Variants in PTPRT observed in about 807,000 individuals in gnomAD.
PTPRT encodes the protein protein tyrosine phosphatase receptor type T, also known as receptor-type tyrosine-protein phosphatase T.
In PTPRT, 56 loss-of-function variants were observed where a neutral mutation model predicts 176.8. The ratio of observed to expected loss-of-function variants is 0.32; its 90% CI spans 0.26 to 0.40. PTPRT has a LOEUF of 0.40. Ranked by LOEUF, PTPRT falls within the 10% of genes least tolerant of loss-of-function variation. PTPRT has a pLI of 1.00. For synonymous variants in PTPRT, 783 were observed against 739.0 expected (o/e 1.06, Z -0.96); for missense variants, 1,540 against 1,908.2 (o/e 0.81, Z 3.60).
At chr20:42,178,223 A>G (rs1206255925) in intron 16 of PTPRT, among the ~76,000 whole-genome samples, 2 of 152,170 alleles carry the variant, frequency 1.3e-5, no homozygotes, top group Admixed American at 1.3e-4. Context: ...AGCGAGAGCC[A>G]CCGTGCCCAG....
chr20:42,460,136 C>T (rs2070993299), intron 8 of PTPRT, among the ~76,000 whole-genome samples: 1 of 152,132 alleles, frequency 6.6e-6, no homozygotes, highest in Non-Finnish European at 1.5e-5. Flanking sequence ...GTTGAGGAGA[C>T]AGCTGGATAA....
intron 1 of PTPRT, among the ~76,000 whole-genome samples, chr20:43,178,427 C>T (rs181800590): frequency 1.1e-3 from 162 of 152,256 alleles, no homozygotes; most frequent in African/African-American, 3.8e-3. Flanking sequence ...GAGCTGAAAG[C>T]CACTCCCCCA....
intron 9 of PTPRT, among the ~76,000 whole-genome samples, chr20:42,404,095 A>C (rs1262772901): frequency 1.3e-5 from 2 of 152,218 alleles, no homozygotes; most frequent in East Asian, 3.8e-4. Context: ...GATATGGTTG[A>C]GACTGGCTAG....
At chr20:42,812,114 C>T (rs2077706405) in intron 2 of PTPRT, among the ~76,000 whole-genome samples, 1 of 151,742 alleles carries the variant, frequency 6.6e-6, no homozygotes, top group African/African-American at 2.4e-5. Flanking sequence ...GTCTAGAATA[C>T]TGGGTAATTC....
At chr20:42,957,957 G>A (rs1048848096) in intron 1 of PTPRT, among the ~76,000 whole-genome samples, 2 of 151,370 alleles carry the variant, frequency 1.3e-5, no homozygotes, top group African/African-American at 4.9e-5. Flanking sequence ...GGTACTTTGG[G>A]CCCAATACTT....
intron 2 of PTPRT, among the ~76,000 whole-genome samples, chr20:42,881,724 CAAAAAAAAAA>C (rs112191705): frequency 4.4e-4 from 16 of 36,704 alleles, no homozygotes; most frequent in African/African-American, 5.4e-4. Flanking sequence ...CACTCTGTCT[CAAAAAAAAAA>C]AAAAAAAAAA....
intron 7 of PTPRT, among the ~76,000 whole-genome samples, chr20:42,485,175 C>T (rs958542612): frequency 5.9e-5 from 9 of 152,128 alleles, no homozygotes; most frequent in African/African-American, 1.7e-4. Context: ...TTTGAAATTA[C>T]GTGGTTTCAG....
chr20:43,118,503 G>A (rs374175926), intron 1 of PTPRT, among the ~76,000 whole-genome samples: 5 of 152,026 alleles, frequency 3.3e-5, no homozygotes, highest in East Asian at 1.9e-4. Flanking sequence ...ACAGTGGCTC[G>A]ATCTTGGCTC....
At chr20:42,193,955 A>G (rs1248763415) in intron 16 of PTPRT, among the ~76,000 whole-genome samples, 2 of 152,192 alleles carry the variant, frequency 1.3e-5, no homozygotes, top group African/African-American at 2.4e-5. Context: ...TGAAATCAGG[A>G]GAGATGTATT....
chr20:42,444,717 A>C (rs118065423), intron 9 of PTPRT, among the ~76,000 whole-genome samples: 3 of 152,298 alleles, frequency 2.0e-5, no homozygotes, highest in African/African-American at 4.8e-5. Context: ...TTGTAATAAA[A>C]TATTCTATTT....
intron 7 of PTPRT, among the ~76,000 whole-genome samples, chr20:42,608,356 T>C (rs1600462808): frequency 1.3e-5 from 2 of 152,198 alleles, no homozygotes; most frequent in African/African-American, 4.8e-5. Flanking sequence ...ACCCAGAACG[T>C]GATGTAAATA....
At chr20:42,307,619 T>C (rs1431607824) in intron 12 of PTPRT, among the ~76,000 whole-genome samples, 1 of 151,906 alleles carries the variant, frequency 6.6e-6, no homozygotes, top group Non-Finnish European at 1.5e-5. Flanking sequence ...ACACGAGAAA[T>C]AAGAAATGGG....
intron 6 of PTPRT, among the ~76,000 whole-genome samples, chr20:42,747,675 C>T (rs972663550): frequency 6.6e-6 from 1 of 151,982 alleles, no homozygotes; most frequent in Non-Finnish European, 1.5e-5. Flanking sequence ...AAAGCAAGGA[C>T]AGCAAGTGCA....
intron 17 of PTPRT, among the ~76,000 whole-genome samples, chr20:42,149,766 C>CATG (rs1255722177): frequency 6.6e-6 from 1 of 152,180 alleles, no homozygotes; most frequent in Non-Finnish European, 1.5e-5. Context: ...GTGCCAGCAT[C>CATG]ATGATAAATG....
chr20:42,095,893 T>A (rs1452518273), intron 27 of PTPRT, among the ~76,000 whole-genome samples: 1 of 152,144 alleles, frequency 6.6e-6, no homozygotes, highest in African/African-American at 2.4e-5. Context: ...CACAGGCACA[T>A]CCCAAGGTGC....
intron 8 of PTPRT, among the ~76,000 whole-genome samples, chr20:42,451,571 A>G (rs2070828442): frequency 6.6e-6 from 1 of 152,188 alleles, no homozygotes; most frequent in Admixed American, 6.5e-5. Context: ...TAGGAGGAAA[A>G]TGAATGGAGA....
intron 12 of PTPRT, among the ~76,000 whole-genome samples, chr20:42,286,049 C>G (rs573434897): frequency 2.0e-5 from 3 of 151,878 alleles, no homozygotes; most frequent in African/African-American, 7.2e-5. Flanking sequence ...AAGACCTCTA[C>G]AAGAAAAACC....
chr20:42,630,308 A>G (rs551909711), intron 7 of PTPRT, among the ~76,000 whole-genome samples: 1 of 152,188 alleles, frequency 6.6e-6, no homozygotes, highest in Non-Finnish European at 1.5e-5. Flanking sequence ...TAGCCCAGTG[A>G]AACCCATTTC....
At chr20:42,653,745 T>C (rs2075073587) in intron 7 of PTPRT, among the ~76,000 whole-genome samples, 2 of 152,230 alleles carry the variant, frequency 1.3e-5, no homozygotes, top group South Asian at 4.1e-4. Flanking sequence ...AATTTATCAC[T>C]GTCTGTGGTT....
Sources: allele counts gnomAD v4.1 joint callset (sites outside exome capture counted in the v4.1 genomes callset), GRCh38; gene constraint gnomAD v4.1.1; transcripts MANE v1.5; gene names NCBI Gene and HGNC (gene_info 2026-07-23, HGNC 2026-07-21).